Variants in PLD1 observed in about 807,000 individuals in gnomAD.
PLD1 encodes the protein choline phosphatase 1.
In PLD1, 112 loss-of-function variants were observed where a neutral mutation model predicts 137.1. That is an observed-to-expected ratio of 0.82 (90% CI 0.70 to 0.96). The LOEUF is 0.96. PLD1 is among the 40% of genes least tolerant of loss of function. The probability of loss-of-function intolerance (pLI) is 0.00; values close to 1 mark genes in which losing one functional copy is unlikely to be tolerated. For missense variants in PLD1, 1,321 were observed against 1,342.0 expected, an observed-to-expected ratio of 0.98 and a Z score of 0.24; for synonymous variants, 431 against 454.7, an observed-to-expected ratio of 0.95 and a Z score of 0.66.
chr3:171,630,811 C>A (rs1376560489), intron 23 of PLD1, among the ~76,000 whole-genome samples: 1 of 135,926 alleles, frequency 7.4e-6, no homozygotes, highest in African/African-American at 2.9e-5. Flanking sequence ...GGGAACTGAA[C>A]AATGAGAACA....
chr3:171,644,368 T>G (rs1736016345), intron 22 of PLD1, among the ~76,000 whole-genome samples: 1 of 152,104 alleles, frequency 6.6e-6, no homozygotes, highest in Admixed American at 6.6e-5. Context: ...TTTAAATAAA[T>G]ATAAAAACTC....
intron 1 of PLD1, among the ~76,000 whole-genome samples, chr3:171,798,638 T>C (rs773627543): frequency 6.6e-6 from 1 of 152,230 alleles, no homozygotes; most frequent in Non-Finnish European, 1.5e-5. Flanking sequence ...TTATGTGAAG[T>C]GCTTATTATG....
rs1034695611 is a variant in PLD1, at chr3:171,720,981, C to A, written c.758+3715G>T. ...CCCTCTGCAATCCCCAGATCCCTCA[C>A]AAACCATTTTTCCCCTTTAAAGCTC... On this transcript the variant is annotated intron_variant, in intron 8 of 26. Coordinates refer to ENST00000351298, the MANE Select transcript of PLD1 (RefSeq NM_002662.5). 9.8e-4 allele frequency among the ~76,000 whole-genome samples: 149 copies of A among 152,204 alleles called. 2 individuals carry two copies. Among genetic ancestry groups the A allele is most frequent in the Non-Finnish European group, 1.2e-4 (8 of 68,030 alleles).
intron 26 of PLD1, among the ~76,000 whole-genome samples, chr3:171,604,849 C>G (rs567215789): frequency 2.0e-4 from 31 of 152,280 alleles, no homozygotes; most frequent in Non-Finnish European, 3.4e-4. Flanking sequence ...TCATAACTAC[C>G]CTTGTGAATA....
At chr3:171,807,846 G>C (rs977324313) in intron 1 of PLD1, among the ~76,000 whole-genome samples, 1 of 152,202 alleles carries the variant, frequency 6.6e-6, no homozygotes, top group Non-Finnish European at 1.5e-5. Flanking sequence ...CTATGGACCG[G>C]ATAAGAGAAA....
At chr3:171,783,901 G>A (rs1310313306) in intron 1 of PLD1, among the ~76,000 whole-genome samples, 2 of 152,036 alleles carry the variant, frequency 1.3e-5, no homozygotes, top group East Asian at 3.9e-4. Flanking sequence ...CCTGCCTTAG[G>A]CTACCAAAGT....
At chr3:171,774,542 C>A (rs551124430) in intron 1 of PLD1, among the ~76,000 whole-genome samples, 1 of 152,244 alleles carries the variant, frequency 6.6e-6, no homozygotes, top group East Asian at 1.9e-4. Flanking sequence ...GGAAAGTGTC[C>A]AGATATGCAT....
chr3:171,652,355 G>C (rs1736843784), intron 21 of PLD1, among the ~76,000 whole-genome samples: 1 of 150,264 alleles, frequency 6.7e-6, no homozygotes. Context: ...GGAGTTTGCA[G>C]TGAGCCAAGA....
chr3:171,663,063 T>C (rs1460741024), intron 19 of PLD1, among the ~76,000 whole-genome samples: 1 of 152,220 alleles, frequency 6.6e-6, no homozygotes, highest in Non-Finnish European at 1.5e-5. Context: ...CTCCTGACTT[T>C]TTTCTCTAAA....
At chr3:171,760,650 G>C (rs1721330580) in intron 1 of PLD1, among the ~76,000 whole-genome samples, 1 of 152,194 alleles carries the variant, frequency 6.6e-6, no homozygotes, top group South Asian at 2.1e-4. Flanking sequence ...TCAAGGCGGA[G>C]TCCAGAGGCC....
At chr3:171,705,559 A>C (rs144404725) in intron 11 of PLD1, among the ~76,000 whole-genome samples, 1 of 152,340 alleles carries the variant, frequency 6.6e-6, no homozygotes, top group East Asian at 1.9e-4. Context: ...CTCTCAAAAA[A>C]AAGGGAAAAG....
At chr3:171,773,543 A>G (rs1448215583) in intron 1 of PLD1, among the ~76,000 whole-genome samples, 1 of 151,826 alleles carries the variant, frequency 6.6e-6, no homozygotes, top group Non-Finnish European at 1.5e-5. Flanking sequence ...CGGAGGTTGC[A>G]GTGAGCCGAC....
At chr3:171,618,667 G>A (rs576466360) in intron 24 of PLD1, among the ~76,000 whole-genome samples, 1 of 152,086 alleles carries the variant, frequency 6.6e-6, no homozygotes, top group African/African-American at 2.4e-5. Context: ...TATAGGCCAG[G>A]AGATAAAAGA....
At chr3:171,678,673 C>G (rs1036235287) in intron 16 of PLD1, among the ~76,000 whole-genome samples, 1 of 152,254 alleles carries the variant, frequency 6.6e-6, no homozygotes, top group African/African-American at 2.4e-5. Context: ...TGTCCCAGAA[C>G]TGTCTTTGTA....
At chr3:171,764,054 G>A (rs956808900) in intron 1 of PLD1, among the ~76,000 whole-genome samples, 10 of 152,084 alleles carry the variant, frequency 6.6e-5, no homozygotes, top group Middle Eastern at 3.4e-3. Context: ...TCACTGTAGC[G>A]TTGAACTCCT....
At chr3:171,723,670 G>A (rs1235145489) in intron 8 of PLD1, among the ~76,000 whole-genome samples, 1 of 152,046 alleles carries the variant, frequency 6.6e-6, no homozygotes, top group Non-Finnish European at 1.5e-5. Context: ...ATTTTAACTG[G>A]GGTGAGATGA....
In PLD1 at chr3:171,724,378, A is replaced by T. The variant is rs903263572; in HGVS notation, c.758+318T>A. Among the ~76,000 whole-genome samples, 5 of 152,122 alleles carry T rather than the reference A, an allele frequency of 3.3e-5. No homozygotes were observed. The East Asian group carries it at 9.6e-4, about 29-fold the overall frequency. On this transcript the variant is annotated intron_variant, in intron 8 of 26. Coordinates refer to ENST00000351298, the MANE Select transcript of PLD1 (RefSeq NM_002662.5). ...GAAATTGTATCTCATTGTGGATTTGACTTACATTTCCATAATGACTAATAA... is the reference window on the plus strand; with the variant it reads ...GAAATTGTATCTCATTGTGGATTTGTCTTACATTTCCATAATGACTAATAA...
At chr3:171,786,093 A>G (rs1723004307) in intron 1 of PLD1, among the ~76,000 whole-genome samples, 1 of 152,222 alleles carries the variant, frequency 6.6e-6, no homozygotes, top group Non-Finnish European at 1.5e-5. Context: ...TAAGGCCATC[A>G]GGCTCCCTTT....
At chr3:171,623,638 A>G (rs542383176) in intron 23 of PLD1, among the ~76,000 whole-genome samples, 1 of 151,236 alleles carries the variant, frequency 6.6e-6, no homozygotes, top group South Asian at 2.1e-4. Flanking sequence ...ATCAGATATT[A>G]ACACATACTA....
Sources: gnomAD v4.1 joint callset for allele counts (sites outside exome capture counted in the v4.1 genomes callset) on GRCh38, gnomAD v4.1.1 for gene constraint, MANE v1.5 for transcripts, NCBI Gene and HGNC (gene_info 2026-07-23, HGNC 2026-07-21) for gene names.